Variants in ADAMTS3 observed in about 807,000 individuals in gnomAD.
ADAMTS3 encodes ADAM metallopeptidase with thrombospondin type 1 motif 3.
In ADAMTS3, 73 loss-of-function variants were observed where a neutral mutation model predicts 129.0. The ratio of observed to expected loss-of-function variants is 0.57; its 90% CI spans 0.47 to 0.69. The LOEUF (loss-of-function observed/expected upper bound fraction) is 0.69, where lower values mean the gene tolerates loss of function less well. Ranked by LOEUF, ADAMTS3 falls within the 30% of genes least tolerant of loss-of-function variation. ADAMTS3 has a pLI of 0.00. For missense variants in ADAMTS3, 1,457 were observed against 1,514.5 expected, an observed-to-expected ratio of 0.96 and a Z score of 0.63; for synonymous variants, 477 against 510.8, an observed-to-expected ratio of 0.93 and a Z score of 0.89.
chr4:72,427,200 CTT>C (rs1320669846), intron 3 of ADAMTS3, among the ~76,000 whole-genome samples: 3 of 152,094 alleles, frequency 2.0e-5, no homozygotes, highest in Non-Finnish European at 2.9e-5. Context: ...CAGTTCCACT[CTT>C]TCTCAACACC....
rs1028971314 is a variant in ADAMTS3, at chr4:72,338,592, G to C, written c.861+902C>G. On this transcript the variant is annotated intron_variant, in intron 5 of 21. Transcript: ENST00000286657. The stretch of plus-strand genomic sequence containing the variant: ...GCTTGAAATCTAATCTTAAGCATGG[G>C]GGAAAGAGGTAAACTATAGATATCC... Among the ~76,000 whole-genome samples, 25 of 151,942 alleles carry C rather than the reference G, an allele frequency of 1.6e-4. 1 individual carries two copies. Among genetic ancestry groups the C allele is most frequent in the Admixed American group, 1.6e-3 (25 of 15,244 alleles).
At chr4:72,411,088 T>TA (rs531348593) in intron 4 of ADAMTS3, among the ~76,000 whole-genome samples, 17 of 152,120 alleles carry the variant, frequency 1.1e-4, no homozygotes, top group Non-Finnish European at 1.5e-4. Context: ...ATTTTTGACT[T>TA]AAAAAAACAT....
chr4:72,555,240 A>T (rs186642927), intron 2 of ADAMTS3, among the ~76,000 whole-genome samples: 137 of 151,852 alleles, frequency 9.0e-4, no homozygotes, highest in Non-Finnish European at 1.7e-3. Context: ...TAGGTTTGGT[A>T]TTTAAAGCCC....
At chr4:72,386,469 T>C (rs183558226) in intron 4 of ADAMTS3, among the ~76,000 whole-genome samples, 61 of 152,186 alleles carry the variant, frequency 4.0e-4, no homozygotes, top group African/African-American at 1.4e-3. Context: ...GTGTTCCTTC[T>C]CTCTCTTTTT....
chr4:72,364,635 ATGT>A (rs1720821441), intron 4 of ADAMTS3, among the ~76,000 whole-genome samples: 1 of 151,982 alleles, frequency 6.6e-6, no homozygotes, highest in African/African-American at 2.4e-5. Context: ...AAATCAATAA[ATGT>A]TGTTCATAAG....
At chr4:72,549,983 G>GA (rs1560563811) in intron 2 of ADAMTS3, among the ~76,000 whole-genome samples, 1 of 29,278 alleles carries the variant, frequency 3.4e-5, no homozygotes, top group African/African-American at 2.4e-4. Flanking sequence ...AGAAGAAGAA[G>GA]AAGAAGAAGA....
chr4:72,532,491 G>A (rs1721068433), intron 3 of ADAMTS3, among the ~76,000 whole-genome samples: 1 of 148,678 alleles, frequency 6.7e-6, no homozygotes, highest in Admixed American at 6.8e-5. Flanking sequence ...AATTTAATAT[G>A]CACACACACA....
chr4:72,414,561 T>C (rs1186574693), intron 4 of ADAMTS3, among the ~76,000 whole-genome samples: 1 of 151,950 alleles, frequency 6.6e-6, no homozygotes, highest in East Asian at 1.9e-4. Flanking sequence ...AGAGAACCAA[T>C]AGTTTTAATA....
At chr4:72,384,907 G>C (rs376230781) in intron 4 of ADAMTS3, among the ~76,000 whole-genome samples, 1 of 152,120 alleles carries the variant, frequency 6.6e-6, no homozygotes, top group African/African-American at 2.4e-5. Context: ...GGTGGCTCAC[G>C]CCTGTAATCC....
chr4:72,481,753 GT>G (rs1431731120), intron 3 of ADAMTS3, among the ~76,000 whole-genome samples: 1 of 151,908 alleles, frequency 6.6e-6, no homozygotes, highest in Non-Finnish European at 1.5e-5. Context: ...TCAAAAAGTG[GT>G]AGAAAATATT....
At chr4:72,370,759 A>G (rs568517496) in intron 4 of ADAMTS3, among the ~76,000 whole-genome samples, 5 of 152,262 alleles carry the variant, frequency 3.3e-5, no homozygotes, top group Middle Eastern at 3.4e-3. Context: ...CTAAATAAAT[A>G]AATAAATAAG....
intron 4 of ADAMTS3, among the ~76,000 whole-genome samples, chr4:72,357,571 G>C (rs1012878951): frequency 4.6e-5 from 7 of 151,846 alleles, no homozygotes; most frequent in Non-Finnish European, 1.0e-4. Flanking sequence ...ACATATATGT[G>C]TGTGAATGTG....
intron 3 of ADAMTS3, among the ~76,000 whole-genome samples, chr4:72,457,592 G>A (rs1322494983): frequency 6.6e-6 from 1 of 151,598 alleles, no homozygotes; most frequent in East Asian, 1.9e-4. Context: ...CATTTATTGA[G>A]GACTTGCAGT....
At chr4:72,359,590 T>G (rs955811254) in intron 4 of ADAMTS3, among the ~76,000 whole-genome samples, 17 of 151,990 alleles carry the variant, frequency 1.1e-4, no homozygotes, top group Non-Finnish European at 2.4e-4. Flanking sequence ...CACAGTTACA[T>G]TTTTTCCCCC....
rs147010639 is a variant in ADAMTS3 at position 72,337,299 on chromosome 4, A to G, written c.861+2195T>C. On this transcript the variant is annotated intron_variant, in intron 5 of 21. Coordinates refer to ENST00000286657, the MANE Select transcript of ADAMTS3 (RefSeq NM_014243.3). ...TCTAATTTTTTTAATGGACTTAAGAACAAAAGTCCTCTTGACTGTTTTTAA... is the reference window on the plus strand; with the variant it reads ...TCTAATTTTTTTAATGGACTTAAGAGCAAAAGTCCTCTTGACTGTTTTTAA... Among the ~76,000 whole-genome samples the G allele has an allele frequency of 1.2e-3, 185 of 152,342 alleles. 3 individuals are homozygous for G. The highest frequency in any genetic ancestry group is 5.5e-4 in the African/African-American group (23 of 41,592).
chr4:72,470,163 G>A (rs1407845001), intron 3 of ADAMTS3, among the ~76,000 whole-genome samples: 1 of 151,948 alleles, frequency 6.6e-6, no homozygotes, highest in Non-Finnish European at 1.5e-5. Context: ...AGTCTAGGTT[G>A]ATACTGGCTG....
At chr4:72,362,282 A>G (rs904377395) in intron 4 of ADAMTS3, among the ~76,000 whole-genome samples, 2 of 152,166 alleles carry the variant, frequency 1.3e-5, no homozygotes, top group Non-Finnish European at 2.9e-5. Flanking sequence ...TGAGAAGTCA[A>G]CTGGTCATAA....
chr4:72,302,521 T>G (rs1718977147), intron 17 of ADAMTS3, among the ~76,000 whole-genome samples: 1 of 151,916 alleles, frequency 6.6e-6, no homozygotes, highest in Non-Finnish European at 1.5e-5. Context: ...TCAACTGATT[T>G]AAGTGAGTCC....
chr4:72,318,588 T>G lies in ADAMTS3; in HGVS notation c.1469A>C (p.Tyr490Ser), dbSNP rs779939893. 6.2e-7 allele frequency: 1 copy of G among 1,613,722 alleles called. No homozygotes were observed. Among genetic ancestry groups the G allele is most frequent in the Non-Finnish European group, 8.5e-7 (1 of 1,179,850 alleles). The change falls in exon 10 of 22, where the codon TAT becomes TCT. Residue 490 changes from tyrosine (Y) to serine (S), a missense_variant. Physicochemically the swap from Tyr to Ser is moderately radical, Grantham distance 144. Coordinates refer to ENST00000286657, the MANE Select transcript of ADAMTS3 (RefSeq NM_014243.3). ...GCAACATACCGCGGTGCACATTTTATAGCCAACACCAAAATCAAAACGACA... is the reference window on the plus strand; with the variant it reads ...GCAACATACCGCGGTGCACATTTTAGAGCCAACACCAAAATCAAAACGACA... ...EQCRFDFGVG[Y>S]KMCTAFRTFD...
Sources: allele counts gnomAD v4.1 joint callset (sites outside exome capture counted in the v4.1 genomes callset), GRCh38; gene constraint gnomAD v4.1.1; transcripts MANE v1.5; gene names NCBI Gene and HGNC (gene_info 2026-07-23, HGNC 2026-07-21).